The following CENPO variants were observed in gnomAD, a reference collection of about 807,000 sequenced individuals.
The protein encoded by CENPO is centromere protein O.
CENPO carries 30 observed loss-of-function variants against 36.1 expected under a neutral mutation model. The observed-to-expected ratio is 0.83, with a 90% CI of 0.62 to 1.13. The LOEUF (loss-of-function observed/expected upper bound fraction) is 1.13, where lower values mean the gene tolerates loss of function less well. Among genes scored for constraint, CENPO ranks in the 50% most tolerant of loss-of-function variants. CENPO has a pLI of 0.00. For missense variants in CENPO, 349 were observed against 357.8 expected, an observed-to-expected ratio of 0.98 and a Z score of 0.20; for synonymous variants, 171 against 142.3, an observed-to-expected ratio of 1.20 and a Z score of -1.44.
At chr2:24,815,221 G>A (rs1288235700) in intron 4 of CENPO, among the ~76,000 whole-genome samples, 1 of 145,228 alleles carries the variant, frequency 6.9e-6, no homozygotes, top group African/African-American at 2.6e-5. Context: ...CTGGGTGACA[G>A]AGTGAAACCC....
chr2:24,815,603 A>G lies in CENPO; in HGVS notation c.441A>G (p.Pro147=), dbSNP rs201818285. The part of the protein sequence containing the change: ...SYFVDLVIQK[P]LRIHHHSVPV... Reference sequence around the variant, plus strand: ...TTGTGGACCTTGTCATACAGAAACCACTCCGGATACATCACCATTCAGTCC... The same window carrying G: ...TTGTGGACCTTGTCATACAGAAACCGCTCCGGATACATCACCATTCAGTCC... Residue 147 remains proline, a synonymous_variant, in exon 5 of 8, where the codon CCA becomes CCG. Coordinates refer to ENST00000380834, the MANE Select transcript of CENPO (RefSeq NM_001322101.2). 3.1e-6 allele frequency: 5 copies of G among 1,613,906 alleles called. No individual in the cohort carries two copies. The highest frequency in any genetic ancestry group is 4.2e-6 in the Non-Finnish European group (5 of 1,179,954).
rs1385511760 is a variant in CENPO, at chr2:24,821,121, T to G, written c.*1803T>G. ...AACACAGCTGGTATTTCAAGTCTCC[T>G]GGGACCTCACTCAGGAATGATACCC... On this transcript the variant is annotated 3_prime_UTR_variant, in exon 8 of 8. Coordinates refer to ENST00000380834, the MANE Select transcript of CENPO (RefSeq NM_001322101.2). 2.1e-6 allele frequency: 1 copy of G among 470,482 alleles called. No individual in the cohort carries two copies. The highest frequency in any genetic ancestry group is 3.8e-6 in the Non-Finnish European group (1 of 264,778). 29.1% of individuals were successfully genotyped at this position (470,482 alleles called of 1,614,324 possible).
intron 3 of CENPO, among the ~76,000 whole-genome samples, chr2:24,814,149 C>T (rs1666830340): frequency 6.6e-6 from 1 of 152,178 alleles, no homozygotes; most frequent in Non-Finnish European, 1.5e-5. Flanking sequence ...CATCAAAAAT[C>T]GAATTGTTCT....
In CENPO at chr2:24,821,034, G is replaced by T; in HGVS notation, c.*1716G>T. The T allele has an allele frequency of 1.2e-6, 1 of 814,946 alleles. No individual in the cohort carries two copies. Among genetic ancestry groups the T allele is most frequent in the East Asian group, 2.9e-5 (1 of 34,470 alleles). The allele number at this position is 814,946 out of a possible 1,614,324, so 50.5% of individuals were successfully genotyped here. A position where few individuals can be genotyped will look rare whatever the true frequency, so the allele number is the denominator to read the frequency against. ...CTCCTGTTTATCCGTGTGCTTGTTAGGTGTCAGCCGCCACCCCCCCCCCAT... is the reference window on the plus strand; with the variant it reads ...CTCCTGTTTATCCGTGTGCTTGTTATGTGTCAGCCGCCACCCCCCCCCCAT... On this transcript the variant is annotated 3_prime_UTR_variant, in exon 8 of 8. Transcript: ENST00000380834.
At chr2:24,807,434 CTG>C (rs934711385) in intron 3 of CENPO, among the ~76,000 whole-genome samples, 3 of 152,174 alleles carry the variant, frequency 2.0e-5, no homozygotes, top group African/African-American at 7.2e-5. Flanking sequence ...AATGTTCTGA[CTG>C]TGAGATTCAC....
intron 3 of CENPO, among the ~76,000 whole-genome samples, chr2:24,805,684 A>C (rs1419241558): frequency 2.6e-5 from 4 of 152,120 alleles, no homozygotes; most frequent in Non-Finnish European, 5.9e-5. Context: ...GTTCCTCTGG[A>C]AGTTTTGTCT....
chr2:24,808,656 G>C (rs1666540106), intron 3 of CENPO, among the ~76,000 whole-genome samples: 1 of 152,094 alleles, frequency 6.6e-6, no homozygotes. Flanking sequence ...GGTATATATT[G>C]ATTGCTGTTT....
intron 2 of CENPO, among the ~76,000 whole-genome samples, chr2:24,798,235 G>C (rs1665998318): frequency 2.0e-5 from 3 of 151,190 alleles, no homozygotes; most frequent in African/African-American, 7.3e-5. Flanking sequence ...GCAAGAATAG[G>C]CCTGTGAGTG....
chr2:24,813,269 T>C (rs1666783887), intron 3 of CENPO, among the ~76,000 whole-genome samples: 1 of 151,814 alleles, frequency 6.6e-6, no homozygotes, highest in African/African-American at 2.4e-5. Context: ...GAAGGAAAAA[T>C]ATATGGGTTC....
intron 3 of CENPO, among the ~76,000 whole-genome samples, chr2:24,804,114 G>A (rs1304412117): frequency 1.3e-5 from 2 of 152,042 alleles, no homozygotes; most frequent in African/African-American, 2.4e-5. Context: ...GATCTTTGTT[G>A]GTTGAAAGTC....
intron 2 of CENPO, among the ~76,000 whole-genome samples, chr2:24,795,007 T>G (rs1207435755): frequency 6.6e-6 from 1 of 152,214 alleles, no homozygotes; most frequent in Non-Finnish European, 1.5e-5. Context: ...TGACTTAAGC[T>G]GAGACTTTAG....
At chr2:24,809,202 T>C (rs555302767) in intron 3 of CENPO, among the ~76,000 whole-genome samples, 5 of 152,362 alleles carry the variant, frequency 3.3e-5, no homozygotes, top group African/African-American at 1.2e-4. Flanking sequence ...TATTCTGATA[T>C]TGGTCATTTG....
Position 24,816,666 on chromosome 2 carries a change from G to C in CENPO, c.615G>C (p.Leu205=), listed in dbSNP as rs1227458849. 10 of 1,610,388 alleles carry C rather than the reference G, an allele frequency of 6.2e-6. No homozygotes were observed. Among genetic ancestry groups the C allele is most frequent in the Admixed American group, 5.0e-5 (3 of 59,436 alleles). The stretch of plus-strand genomic sequence containing the variant: ...CTTAGAGTGACTTTGCAGCCCTCCT[G>C]ACTGGGCCCTTGCAGAGAAACCCAC... ...DRLQSDFAAL[L]TGPLQRNPLC... Residue 205 remains leucine, a synonymous_variant, in exon 6 of 8, where the codon CTG becomes CTC. Transcript: ENST00000380834.
rs774768704 is a variant in CENPO, at chr2:24,815,763, C to G, written c.594+7C>G. ...CCAGGCAGACCGGCTTCAGGTATCT[C>G]TCTGGGATGTTATATGCCTCATCCG... On this transcript the variant is annotated splice_region_variant and intron_variant, in intron 5 of 7. Coordinates refer to ENST00000380834, the MANE Select transcript of CENPO (RefSeq NM_001322101.2). The G allele has an allele frequency of 3.1e-6, 5 of 1,613,638 alleles. No homozygotes were observed. The South Asian group carries it at 3.3e-5, about 11-fold the overall frequency.
intron 3 of CENPO, among the ~76,000 whole-genome samples, chr2:24,802,204 C>T (rs867129119): frequency 1.3e-5 from 2 of 152,114 alleles, no homozygotes; most frequent in East Asian, 1.9e-4. Context: ...CTGAAGTTGC[C>T]TATCAGCTTA....
chr2:24,821,593 G>A lies in CENPO; in HGVS notation c.*2275G>A, dbSNP rs77454507. ...TATCCTTCATGGCCAGCGCGAAGTC[G>A]GCCAGGTCAGCCAGGTGCTGCCAGC... On this transcript the variant is annotated 3_prime_UTR_variant, in exon 8 of 8. Coordinates refer to ENST00000380834, the MANE Select transcript of CENPO (RefSeq NM_001322101.2). The A allele has an allele frequency of 6.9e-5, 111 of 1,614,082 alleles. No homozygotes were observed. The highest frequency in any genetic ancestry group is 1.6e-4 in the Middle Eastern group (1 of 6,062).
Position 24,793,898 on chromosome 2 carries a change from G to T in CENPO, c.-22G>T. On this transcript the variant is annotated 5_prime_UTR_variant, in exon 2 of 8. The change creates a premature stop within an existing upstream ORF in the 5' untranslated region. Coordinates refer to ENST00000380834, the MANE Select transcript of CENPO (RefSeq NM_001322101.2). The stretch of plus-strand genomic sequence containing the variant: ...CACCGGTTGCCTAGACAACTTCATG[G>T]GAAGGCCCTTGGGAATCTGAGATGG... 1 of 1,614,176 alleles carries T rather than the reference G, an allele frequency of 6.2e-7. No homozygotes were observed. The highest frequency in any genetic ancestry group is 8.5e-7 in the Non-Finnish European group (1 of 1,180,022).
chr2:24,800,843 G>C (rs1666129098), intron 3 of CENPO, among the ~76,000 whole-genome samples: 1 of 152,162 alleles, frequency 6.6e-6, no homozygotes, highest in Non-Finnish European at 1.5e-5. Context: ...TATATACCCA[G>C]TAATGGGATG....
intron 5 of CENPO, 96 bp from the exon 6 acceptor site, chr2:24,816,550 G>A (rs113566002): frequency 1.3e-5 from 10 of 775,542 alleles, no homozygotes; most frequent in African/African-American, 9.0e-5. Context: ...TGTAATCGAT[G>A]GGCCTCTTTT....
Sources: allele counts gnomAD v4.1 joint callset (sites outside exome capture counted in the v4.1 genomes callset), GRCh38; gene constraint gnomAD v4.1.1; transcripts MANE v1.5; gene names NCBI Gene and HGNC (gene_info 2026-07-23, HGNC 2026-07-21).